Variants in TRIO observed in about 807,000 individuals in gnomAD.
The protein encoded by TRIO is triple functional domain protein.
Under a neutral mutation model 351.9 loss-of-function variants are expected in TRIO, and 58 were observed. The observed-to-expected ratio is 0.16, with a 90% confidence interval of 0.13 to 0.21. TRIO has a LOEUF of 0.21. Ranked by LOEUF, TRIO falls within the 10% of genes least tolerant of loss-of-function variation. The pLI is 1.00. For missense variants in TRIO, 3,201 were observed against 4,027.8 expected (o/e 0.79, Z 5.56); for synonymous variants, 1,758 against 1,595.7 (o/e 1.10, Z -2.42).
intron 9 of TRIO, among the ~76,000 whole-genome samples, chr5:14,323,221 T>C (rs1008255607): frequency 1.3e-5 from 2 of 152,184 alleles, no homozygotes; most frequent in African/African-American, 4.8e-5. Flanking sequence ...TATTTCACTT[T>C]TAAAAGTAGT....
chr5:14,299,424 T>G (rs371728411), intron 7 of TRIO, among the ~76,000 whole-genome samples: 1 of 152,232 alleles, frequency 6.6e-6, no homozygotes, highest in South Asian at 2.1e-4. Context: ...ATTCCAGACC[T>G]TAACGAAGCA....
chr5:14,182,367 T>C (rs1789839493), intron 1 of TRIO, among the ~76,000 whole-genome samples: 2 of 152,256 alleles, frequency 1.3e-5, no homozygotes, highest in South Asian at 4.1e-4. Context: ...TGGCTCACTC[T>C]TTAGAGATGC....
chr5:14,358,161 C>G lies in TRIO; in HGVS notation c.2047-17C>G, dbSNP rs532742783. Reference sequence around the variant, plus strand: ...CAGCCAGGCCGGCCGGCCTCACCCCCCTCTCCCCTTCCCCAGCTGTGGACG... The same window carrying G: ...CAGCCAGGCCGGCCGGCCTCACCCCGCTCTCCCCTTCCCCAGCTGTGGACG... On this transcript the variant is annotated splice_polypyrimidine_tract_variant and intron_variant, in intron 11 of 56. Coordinates refer to ENST00000344204, the MANE Select transcript of TRIO (RefSeq NM_007118.4). 6 of 1,607,566 alleles carry G rather than the reference C, an allele frequency of 3.7e-6. 1 individual carries two copies. In the African/African-American group the frequency reaches 6.7e-5, roughly 18 times the overall value.
intron 11 of TRIO, among the ~76,000 whole-genome samples, chr5:14,357,467 C>G (rs530387991): frequency 1.3e-5 from 2 of 152,306 alleles, no homozygotes; most frequent in South Asian, 4.1e-4. Flanking sequence ...CCACCTGGCC[C>G]AAAGTCATTC....
chr5:14,454,780 G>A (rs1753133556), intron 34 of TRIO, among the ~76,000 whole-genome samples: 1 of 152,192 alleles, frequency 6.6e-6, no homozygotes. Context: ...TGGGTTCTTG[G>A]TCTCACTGAC....
intron 8 of TRIO, among the ~76,000 whole-genome samples, chr5:14,314,993 G>A (rs1244141456): frequency 6.6e-6 from 1 of 152,166 alleles, no homozygotes; most frequent in Non-Finnish European, 1.5e-5. Flanking sequence ...GCCTTCGTAA[G>A]GAATAATCAG....
intron 20 of TRIO, 45 bp from the exon 21 acceptor site, chr5:14,381,085 A>G: frequency 6.3e-7 from 1 of 1,582,972 alleles, no homozygotes; most frequent in Non-Finnish European, 8.6e-7. Context: ...GGCTCCTCTC[A>G]GGAATGTGTA....
At chr5:14,377,134 A>T (rs1284956389) in intron 19 of TRIO, among the ~76,000 whole-genome samples, 1 of 150,244 alleles carries the variant, frequency 6.7e-6, no homozygotes, top group Non-Finnish European at 1.5e-5. Context: ...ATGACATTTT[A>T]AATGTTTGTG....
chr5:14,434,573 T>C (rs1474581578), intron 34 of TRIO, among the ~76,000 whole-genome samples: 1 of 152,214 alleles, frequency 6.6e-6, no homozygotes, highest in Non-Finnish European at 1.5e-5. Context: ...CTGTACACCC[T>C]GTACCCAGCT....
rs1752474044 is a variant in TRIO at position 14,446,770 on chromosome 5, GT to G, written c.5204-14244del. Among the ~76,000 whole-genome samples the G allele has an allele frequency of 2.6e-5, 4 of 152,172 alleles. No individual in the cohort carries two copies. In the South Asian group the frequency reaches 8.3e-4, roughly 32 times the overall value. On this transcript the variant is annotated intron_variant, in intron 34 of 56. Coordinates refer to ENST00000344204, the MANE Select transcript of TRIO (RefSeq NM_007118.4). ...AATTGGTTACAGCTTTTGTTTCTTT[GT>G]TTTTGAATTAACCAGGGACTGTATA...
chr5:14,350,239 C>A (rs1250526849), intron 11 of TRIO, among the ~76,000 whole-genome samples: 1 of 152,138 alleles, frequency 6.6e-6, no homozygotes, highest in Non-Finnish European at 1.5e-5. Context: ...TGAAGACTTG[C>A]CACGGCAAAG....
intron 1 of TRIO, among the ~76,000 whole-genome samples, chr5:14,147,306 C>T (rs1787574841): frequency 6.6e-6 from 1 of 152,258 alleles, no homozygotes; most frequent in African/African-American, 2.4e-5. Flanking sequence ...GGTGCTCTTT[C>T]CTGGTCGCTT....
chr5:14,335,156 T>C (rs775049059), intron 10 of TRIO, among the ~76,000 whole-genome samples: 2 of 152,218 alleles, frequency 1.3e-5, no homozygotes, highest in Non-Finnish European at 2.9e-5. Flanking sequence ...GCTATATTTA[T>C]AACTCCCTTT....
chr5:14,421,623 T>C (rs1419858914), intron 34 of TRIO, among the ~76,000 whole-genome samples: 2 of 138,270 alleles, frequency 1.4e-5, no homozygotes, highest in African/African-American at 3.0e-5. Context: ...AAAAAAAAGA[T>C]TGTTTGTTCC....
intron 39 of TRIO, among the ~76,000 whole-genome samples, chr5:14,473,210 G>A (rs1459019644): frequency 6.6e-6 from 1 of 152,180 alleles, no homozygotes; most frequent in Non-Finnish European, 1.5e-5. Flanking sequence ...GTACTGGATC[G>A]AGAGCCATCT....
At chr5:14,169,720 T>A (rs1274271729) in intron 1 of TRIO, among the ~76,000 whole-genome samples, 3 of 152,154 alleles carry the variant, frequency 2.0e-5, no homozygotes. Context: ...CACTGTGAGT[T>A]CTTAAAAAAA....
intron 48 of TRIO, among the ~76,000 whole-genome samples, chr5:14,492,125 A>G (rs1378508922): frequency 2.0e-5 from 3 of 152,292 alleles, no homozygotes; most frequent in Non-Finnish European, 4.4e-5. Flanking sequence ...CTGTTATCTA[A>G]TCTGTCAGTG....
At chr5:14,398,302 C>T (rs1407155918) in intron 29 of TRIO, among the ~76,000 whole-genome samples, 4 of 152,160 alleles carry the variant, frequency 2.6e-5, no homozygotes, top group Non-Finnish European at 2.9e-5. Flanking sequence ...GTCCAGAGCA[C>T]GAATGATTCA....
chr5:14,334,252 C>T (rs1431542353), intron 10 of TRIO, among the ~76,000 whole-genome samples: 1 of 152,140 alleles, frequency 6.6e-6, no homozygotes, highest in Non-Finnish European at 1.5e-5. Flanking sequence ...TCTCCAGTTG[C>T]AGAAGGACCC....
Sources: allele counts gnomAD v4.1 joint callset (sites outside exome capture counted in the v4.1 genomes callset), GRCh38; gene constraint gnomAD v4.1.1; transcripts MANE v1.5; gene names NCBI Gene and HGNC (gene_info 2026-07-23, HGNC 2026-07-21).